THSD7B: variants seen among roughly 807,000 people sequenced by gnomAD.
THSD7B encodes the protein thrombospondin type 1 domain containing 7B, also known as thrombospondin type-1 domain-containing protein 7B.
THSD7B carries 138 observed loss-of-function variants against 213.6 expected under a neutral mutation model. The ratio of observed to expected loss-of-function variants is 0.65; its 90% CI spans 0.56 to 0.74. THSD7B has a LOEUF of 0.74. Ranked by LOEUF, THSD7B falls within the 30% of genes least tolerant of loss-of-function variation. The pLI, the probability that THSD7B is intolerant of heterozygous loss-of-function variation, is 0.00. For synonymous variants in THSD7B, 742 were observed against 687.0 expected, an observed-to-expected ratio of 1.08 and a Z score of -1.25; for missense variants, 1,931 against 1,991.5, an observed-to-expected ratio of 0.97 and a Z score of 0.58.
chr2:137,323,185 A>G (rs2104881783), intron 12 of THSD7B, among the ~76,000 whole-genome samples: 1 of 152,352 alleles, frequency 6.6e-6, no homozygotes, highest in African/African-American at 2.4e-5. Context: ...GACGGAGTTA[A>G]AAAGATTCTA....
intron 7 of THSD7B, among the ~76,000 whole-genome samples, chr2:137,173,641 C>G (rs1680307298): frequency 2.0e-5 from 3 of 152,176 alleles, no homozygotes; most frequent in African/African-American, 7.2e-5. Flanking sequence ...CTGAATGACT[C>G]CCTCATCGTT....
At chr2:137,167,111 C>G (rs1486913468) in intron 6 of THSD7B, among the ~76,000 whole-genome samples, 1 of 152,134 alleles carries the variant, frequency 6.6e-6, no homozygotes, top group Non-Finnish European at 1.5e-5. Context: ...AGAGGAAGAG[C>G]AAATGAAGTA....
intron 5 of THSD7B, among the ~76,000 whole-genome samples, chr2:137,119,885 C>A (rs892211311): frequency 6.6e-6 from 1 of 152,206 alleles, no homozygotes; most frequent in Middle Eastern, 3.4e-3. Flanking sequence ...TAGCTGATAT[C>A]TTAAGGGGCA....
intron 10 of THSD7B, among the ~76,000 whole-genome samples, chr2:137,268,729 C>T (rs1325194986): frequency 2.0e-5 from 3 of 152,134 alleles, no homozygotes; most frequent in African/African-American, 7.2e-5. Context: ...CAGCCTGTGA[C>T]TTAGAATGCC....
At chr2:137,084,972 T>C (rs2104908148) in intron 3 of THSD7B, among the ~76,000 whole-genome samples, 1 of 152,246 alleles carries the variant, frequency 6.6e-6, no homozygotes. Context: ...GAGAAGATAG[T>C]GTTAGTATAA....
At chr2:137,362,064 G>A (rs970273806) in intron 12 of THSD7B, among the ~76,000 whole-genome samples, 1 of 152,164 alleles carries the variant, frequency 6.6e-6, no homozygotes, top group Non-Finnish European at 1.5e-5. Context: ...CCAGAAGAGA[G>A]TGGGGGCCAA....
intron 22 of THSD7B, among the ~76,000 whole-genome samples, chr2:137,656,339 G>A (rs1024308314): frequency 6.6e-6 from 1 of 151,938 alleles, no homozygotes; most frequent in East Asian, 1.9e-4. Flanking sequence ...TTTCTTGAGT[G>A]AGAAAGATGT....
chr2:137,640,050 T>C (rs993246160), intron 20 of THSD7B, among the ~76,000 whole-genome samples: 1 of 151,922 alleles, frequency 6.6e-6, no homozygotes, highest in African/African-American at 2.4e-5. Context: ...GGACATGAGA[T>C]TTGGAGGGGC....
At chr2:137,124,458 A>G (rs1688598407) in intron 5 of THSD7B, among the ~76,000 whole-genome samples, 1 of 152,168 alleles carries the variant, frequency 6.6e-6, no homozygotes, top group Non-Finnish European at 1.5e-5. Context: ...GCTTTACATC[A>G]GGTTCTCTTC....
Position 137,056,463 on chromosome 2 carries a change from C to T in THSD7B, c.183C>T (p.Val61=). The change falls in exon 3 of 28, where the codon GTC becomes GTT. Residue 61 remains valine, a synonymous_variant. Coordinates refer to ENST00000409968, the MANE Select transcript of THSD7B (RefSeq NM_001316349.2). ...RCTGDCGPGG[V]QSRAVWCFHV... is the part of the protein sequence containing the mutation. Reference sequence around the variant, plus strand: ...CAGGAGACTGTGGTCCCGGAGGAGTCCAGAGTCGGGCAGTGTGGTGTTTTC... The same window carrying T: ...CAGGAGACTGTGGTCCCGGAGGAGTTCAGAGTCGGGCAGTGTGGTGTTTTC... 6.2e-7 allele frequency: 1 copy of T among 1,613,882 alleles called. No individual in the cohort carries two copies. Among genetic ancestry groups the T allele is most frequent in the Non-Finnish European group, 8.5e-7 (1 of 1,179,854 alleles).
chr2:136,966,363 G>A (rs1396464664), intron 2 of THSD7B, among the ~76,000 whole-genome samples: 1 of 151,932 alleles, frequency 6.6e-6, no homozygotes, highest in Non-Finnish European at 1.5e-5. Flanking sequence ...GACTACAGGT[G>A]CACACCACCA....
At position 137,140,857 on chromosome 2, in the gene THSD7B, A is replaced by C. The variant is rs183796402; in HGVS notation, c.1370-19356A>C. On this transcript the variant is annotated intron_variant, in intron 5 of 27. Coordinates refer to ENST00000409968, the MANE Select transcript of THSD7B (RefSeq NM_001316349.2). ...AGTGTGATACATGCAATATAGAAAA[A>C]TTAAGCAGGCTTAGAGAGTAAATAA... 2.6e-5 allele frequency among the ~76,000 whole-genome samples: 4 copies of C among 152,330 alleles called. No individual in the cohort carries two copies. The East Asian group carries it at 7.7e-4, about 29-fold the overall frequency.
At chr2:137,059,484 G>A (rs1350759083) in intron 3 of THSD7B, among the ~76,000 whole-genome samples, 1 of 152,070 alleles carries the variant, frequency 6.6e-6, no homozygotes, top group Non-Finnish European at 1.5e-5. Flanking sequence ...GTATCATACA[G>A]AGTAGTTTTA....
chr2:137,648,961 T>C (rs958652630), intron 21 of THSD7B, among the ~76,000 whole-genome samples: 6 of 152,230 alleles, frequency 3.9e-5, no homozygotes, highest in Non-Finnish European at 7.3e-5. Context: ...AATAGCCATT[T>C]TAGCTGGGGT....
chr2:137,672,145 G>A (rs980896207), intron 27 of THSD7B, among the ~76,000 whole-genome samples: 1 of 152,030 alleles, frequency 6.6e-6, no homozygotes, highest in South Asian at 2.1e-4. Context: ...TTTATTGCCC[G>A]TGATTTTTAG....
chr2:137,619,450 CA>C (rs1230272360), intron 19 of THSD7B, among the ~76,000 whole-genome samples: 1 of 152,212 alleles, frequency 6.6e-6, no homozygotes, highest in African/African-American at 2.4e-5. Flanking sequence ...GTCCTAAGAA[CA>C]GAACATCTGA....
At chr2:137,167,291 C>T (rs778776858) in intron 6 of THSD7B, among the ~76,000 whole-genome samples, 1 of 152,032 alleles carries the variant, frequency 6.6e-6, no homozygotes, top group Non-Finnish European at 1.5e-5. Flanking sequence ...GCAACCTCCA[C>T]CTCCTGGGTT....
At chr2:136,908,909 G>C (rs866317702) in intron 2 of THSD7B, among the ~76,000 whole-genome samples, 1 of 152,100 alleles carries the variant, frequency 6.6e-6, no homozygotes, top group Non-Finnish European at 1.5e-5. Flanking sequence ...GTCTGGGCGC[G>C]GTGGCTAACA....
At chr2:137,274,883 T>G (rs1005477960) in intron 11 of THSD7B, among the ~76,000 whole-genome samples, 4 of 152,118 alleles carry the variant, frequency 2.6e-5, no homozygotes, top group African/African-American at 9.7e-5. Context: ...GTTTAGCTGT[T>G]TCCTGATTTT....
Sources: gnomAD v4.1 joint callset for allele counts (sites outside exome capture counted in the v4.1 genomes callset) on GRCh38, gnomAD v4.1.1 for gene constraint, MANE v1.5 for transcripts, NCBI Gene and HGNC (gene_info 2026-07-23, HGNC 2026-07-21) for gene names.